The following ASIC2 variants were observed in gnomAD, a reference collection of about 807,000 sequenced individuals.
The protein encoded by ASIC2 is acid-sensing ion channel 2.
ASIC2 carries 25 observed loss-of-function variants against 57.3 expected under a neutral mutation model. The observed-to-expected ratio is 0.44, with a 90% confidence interval of 0.32 to 0.61. ASIC2 has a LOEUF of 0.61. Among genes scored for constraint, ASIC2 ranks in the 20% least tolerant of loss-of-function variants. The probability of loss-of-function intolerance (pLI) is 0.06; values close to 1 mark genes in which losing one functional copy is unlikely to be tolerated. For missense variants in ASIC2, 641 were observed against 738.1 expected, an observed-to-expected ratio of 0.87 and a Z score of 1.52; for synonymous variants, 319 against 307.5, an observed-to-expected ratio of 1.04 and a Z score of -0.39.
At chr17:34,153,692 C>T (rs1458102362) in intron 1 of ASIC2, among the ~76,000 whole-genome samples, 1 of 152,206 alleles carries the variant, frequency 6.6e-6, no homozygotes. Flanking sequence ...CCCTGAACAA[C>T]TTGAACAGCA....
At chr17:34,114,576 A>C (rs1218137597) in intron 1 of ASIC2, among the ~76,000 whole-genome samples, 3 of 152,150 alleles carry the variant, frequency 2.0e-5, no homozygotes, top group Admixed American at 2.0e-4. Flanking sequence ...TGCAGAAAGG[A>C]TTTTTTGGGG....
intron 1 of ASIC2, among the ~76,000 whole-genome samples, chr17:33,547,575 G>A (rs922159943): frequency 6.6e-6 from 1 of 152,098 alleles, no homozygotes; most frequent in Non-Finnish European, 1.5e-5. Flanking sequence ...AAGCCCTCCT[G>A]CTCTCTGCCA....
intron 1 of ASIC2, among the ~76,000 whole-genome samples, chr17:33,864,995 T>A (rs1425190837): frequency 6.6e-6 from 1 of 151,164 alleles, no homozygotes; most frequent in Non-Finnish European, 1.5e-5. Flanking sequence ...GGGTGGGGGG[T>A]TGAGGGGAGT....
chr17:33,070,848 T>G (rs1361911177), intron 3 of ASIC2, among the ~76,000 whole-genome samples: 1 of 150,806 alleles, frequency 6.6e-6, no homozygotes, highest in African/African-American at 2.4e-5. Context: ...TTATTTTGCT[T>G]AATTTTTGGA....
intron 1 of ASIC2, among the ~76,000 whole-genome samples, chr17:33,987,515 C>T (rs1476115947): frequency 2.0e-5 from 3 of 152,188 alleles, no homozygotes; most frequent in Non-Finnish European, 2.9e-5. Context: ...TCAGTCACCT[C>T]ATTTGAAATC....
At chr17:34,029,414 A>C (rs937075494) in intron 1 of ASIC2, among the ~76,000 whole-genome samples, 22 of 151,784 alleles carry the variant, frequency 1.4e-4, no homozygotes, top group African/African-American at 4.6e-4. Flanking sequence ...TTAAAAAAAG[A>C]CTCTCACTAC....
intron 1 of ASIC2, among the ~76,000 whole-genome samples, chr17:33,865,420 A>G (rs1159366498): frequency 6.6e-6 from 1 of 152,236 alleles, no homozygotes; most frequent in Non-Finnish European, 1.5e-5. Context: ...ACAGACATGC[A>G]TAAGGCAGCA....
At chr17:33,869,548 T>C (rs1914334713) in intron 1 of ASIC2, among the ~76,000 whole-genome samples, 1 of 152,206 alleles carries the variant, frequency 6.6e-6, no homozygotes, top group Non-Finnish European at 1.5e-5. Context: ...TGGTGGAATA[T>C]TATTCATTCA....
intron 1 of ASIC2, among the ~76,000 whole-genome samples, chr17:33,191,680 C>T (rs1906424653): frequency 1.3e-5 from 2 of 152,082 alleles, no homozygotes; most frequent in South Asian, 2.1e-4. Context: ...GCCCTCTACA[C>T]CCTGTTATTC....
At chr17:33,613,792 T>C (rs1366777677) in intron 1 of ASIC2, among the ~76,000 whole-genome samples, 1 of 152,184 alleles carries the variant, frequency 6.6e-6, no homozygotes, top group African/African-American at 2.4e-5. Flanking sequence ...CACCCACGGG[T>C]CTTTCTCATA....
intron 1 of ASIC2, among the ~76,000 whole-genome samples, chr17:34,116,354 C>T (rs1911424247): frequency 6.6e-6 from 1 of 152,116 alleles, no homozygotes; most frequent in African/African-American, 2.4e-5. Context: ...ATAGATAGAA[C>T]CTAGCACAGG....
At chr17:33,424,497 A>AG (rs1466612528) in intron 1 of ASIC2, among the ~76,000 whole-genome samples, 1 of 152,222 alleles carries the variant, frequency 6.6e-6, no homozygotes, top group Non-Finnish European at 1.5e-5. Context: ...TCTATGGCAG[A>AG]GGCCCCAGCT....
At chr17:33,301,895 C>G (rs1373669564) in intron 1 of ASIC2, among the ~76,000 whole-genome samples, 1 of 152,206 alleles carries the variant, frequency 6.6e-6, no homozygotes, top group African/African-American at 2.4e-5. Flanking sequence ...GCCCACGAGG[C>G]TCACCTGGGA....
chr17:33,131,607 G>A (rs998837850), intron 1 of ASIC2: 9 of 152,210 alleles, frequency 5.9e-5, no homozygotes, highest in South Asian at 2.1e-4. Flanking sequence ...TAACAGCTGC[G>A]TGCAGGGTAA....
chr17:33,764,145 A>G (rs1910864638), intron 1 of ASIC2, among the ~76,000 whole-genome samples: 2 of 151,986 alleles, frequency 1.3e-5, no homozygotes. Context: ...ACAAAACAAA[A>G]CAAAACAACA....
At chr17:33,449,186 A>G (rs988318284) in intron 1 of ASIC2, among the ~76,000 whole-genome samples, 1 of 152,170 alleles carries the variant, frequency 6.6e-6, no homozygotes, top group Admixed American at 6.5e-5. Flanking sequence ...CACTGTATCT[A>G]TGTCTAAGCC....
intron 1 of ASIC2, among the ~76,000 whole-genome samples, chr17:33,129,552 T>C (rs1468731751): frequency 6.6e-6 from 1 of 152,236 alleles, no homozygotes; most frequent in Non-Finnish European, 1.5e-5. Flanking sequence ...ATAACCTTTC[T>C]TGGGAGATGC....
chr17:33,171,447 A>C (rs1230456064), intron 1 of ASIC2, among the ~76,000 whole-genome samples: 1 of 152,138 alleles, frequency 6.6e-6, no homozygotes, highest in Non-Finnish European at 1.5e-5. Flanking sequence ...GTTGTCTTTC[A>C]ACCTTCTCTG....
At chr17:33,337,223 C>T (rs1371730865) in intron 1 of ASIC2, among the ~76,000 whole-genome samples, 2 of 152,170 alleles carry the variant, frequency 1.3e-5, no homozygotes, top group Admixed American at 1.3e-4. Flanking sequence ...GACTCTGCAT[C>T]TAAAAGACCT....
Sources: gnomAD v4.1 joint callset for allele counts (sites outside exome capture counted in the v4.1 genomes callset) on GRCh38, gnomAD v4.1.1 for gene constraint, MANE v1.5 for transcripts, NCBI Gene and HGNC (gene_info 2026-07-23, HGNC 2026-07-21) for gene names.